UBL3: variants seen among roughly 807,000 people sequenced by gnomAD.
UBL3 encodes ubiquitin-like protein 3.
A neutral mutation model predicts 18.4 loss-of-function variants in UBL3; 6 were observed. The ratio of observed to expected loss-of-function variants is 0.33; its 90% CI spans 0.18 to 0.64. The LOEUF (loss-of-function observed/expected upper bound fraction) is 0.64. UBL3 is among the 30% of genes least tolerant of loss of function. The pLI, the probability that UBL3 is intolerant of heterozygous loss-of-function variation, is 0.76. For missense variants in UBL3, 109 were observed against 142.9 expected, an observed-to-expected ratio of 0.76 and a Z score of 1.21; for synonymous variants, 49 against 46.6, an observed-to-expected ratio of 1.05 and a Z score of -0.21.
At chr13:29,836,402 A>G (rs1878964752) in intron 1 of UBL3, among the ~76,000 whole-genome samples, 1 of 152,106 alleles carries the variant, frequency 6.6e-6, no homozygotes, top group South Asian at 2.1e-4. Flanking sequence ...GGGTACGAAA[A>G]GAAAAGGCAA....
chr13:29,803,073 T>C (rs537102786), intron 1 of UBL3, among the ~76,000 whole-genome samples: 84 of 152,258 alleles, frequency 5.5e-4, no homozygotes, highest in African/African-American at 2.0e-3. Context: ...AGGTCACTTA[T>C]ACAAATCATT....
intron 1 of UBL3, among the ~76,000 whole-genome samples, chr13:29,808,941 G>A (rs1418978548): frequency 6.6e-6 from 1 of 152,048 alleles, no homozygotes; most frequent in East Asian, 1.9e-4. Context: ...ATTAACTAAA[G>A]ACTATTTATA....
At chr13:29,849,411 G>C in intron 1 of UBL3, 101 bp downstream of exon 1, 1 of 1,544,356 alleles carries the variant, frequency 6.5e-7, no homozygotes, top group South Asian at 1.1e-5. Context: ...GTGGCTTTTC[G>C]ACAGTCCCCA....
At chr13:29,776,610 C>G (rs910207767) in intron 2 of UBL3, among the ~76,000 whole-genome samples, 18 of 151,886 alleles carry the variant, frequency 1.2e-4, no homozygotes, top group Non-Finnish European at 8.8e-5. Flanking sequence ...CGGTGGCTCA[C>G]GCCTGTAATC....
rs142110289 is a variant in UBL3 at position 29,764,988 on chromosome 13, CTTT to C, written c.*2264_*2266del. The C allele has an allele frequency of 6.6e-6, 1 of 151,850 alleles. No homozygotes were observed. The highest frequency in any genetic ancestry group is 2.4e-5 in the African/African-American group (1 of 41,358). 9.4% of individuals were successfully genotyped at this position (151,850 alleles called of 1,614,324 possible). A position where few individuals can be genotyped will look rare whatever the true frequency, so the allele number is the denominator to read the frequency against. On this transcript the variant is annotated 3_prime_UTR_variant, in exon 5 of 5. Transcript: ENST00000380680. ...TATAATTTTACTGCTACTTTTTATT[CTTT>C]TTTTTCATATTGTACAACTATGATA...
intron 1 of UBL3, among the ~76,000 whole-genome samples, chr13:29,806,469 TA>T (rs1339176185): frequency 6.6e-6 from 1 of 152,164 alleles, no homozygotes; most frequent in Non-Finnish European, 1.5e-5. Context: ...TATGCTCCCC[TA>T]AGAAGGATCT....
intron 1 of UBL3, among the ~76,000 whole-genome samples, chr13:29,835,121 TA>T: frequency 4.2e-5 from 1 of 23,666 alleles, no homozygotes; most frequent in African/African-American, 4.7e-4. Flanking sequence ...TATATATATA[TA>T]TAAATATATA....
intron 1 of UBL3, among the ~76,000 whole-genome samples, chr13:29,847,382 G>T (rs999750745): frequency 1.3e-5 from 2 of 152,108 alleles, no homozygotes; most frequent in Non-Finnish European, 2.9e-5. Context: ...TTTAATCAAA[G>T]GATCTCAAAG....
intron 1 of UBL3, among the ~76,000 whole-genome samples, chr13:29,801,464 GCTT>G (rs1228272266): frequency 2.0e-5 from 3 of 152,168 alleles, no homozygotes; most frequent in Non-Finnish European, 4.4e-5. Flanking sequence ...GAGGAGCTCA[GCTT>G]CTTCTCATTA....
intron 1 of UBL3, among the ~76,000 whole-genome samples, chr13:29,807,986 A>C (rs1020602513): frequency 1.1e-4 from 16 of 152,176 alleles, no homozygotes; most frequent in African/African-American, 3.6e-4. Context: ...GTAGTGGGTA[A>C]AAACCACAAT....
At chr13:29,844,873 C>G (rs1222209660) in intron 1 of UBL3, among the ~76,000 whole-genome samples, 1 of 151,964 alleles carries the variant, frequency 6.6e-6, no homozygotes, top group Non-Finnish European at 1.5e-5. Context: ...TTTTCATATT[C>G]CAAGTGATAA....
chr13:29,844,813 T>G (rs1383145991), intron 1 of UBL3, among the ~76,000 whole-genome samples: 1 of 152,184 alleles, frequency 6.6e-6, no homozygotes, highest in African/African-American at 2.4e-5. Flanking sequence ...CATCAGTATT[T>G]TATCCACTAA....
intron 1 of UBL3, among the ~76,000 whole-genome samples, chr13:29,847,722 A>G (rs1182402763): frequency 6.6e-6 from 1 of 152,166 alleles, no homozygotes; most frequent in African/African-American, 2.4e-5. Flanking sequence ...TATAAAATGG[A>G]GGCTTTCGAG....
intron 1 of UBL3, chr13:29,779,358 C>A: frequency 3.1e-6 from 1 of 326,280 alleles, no homozygotes; most frequent in Non-Finnish European, 5.9e-6. Context: ...AGAAATTCTG[C>A]CCCTAGTAGT....
At chr13:29,814,141 A>G (rs1338723184) in intron 1 of UBL3, among the ~76,000 whole-genome samples, 2 of 152,082 alleles carry the variant, frequency 1.3e-5, no homozygotes, top group African/African-American at 4.8e-5. Context: ...TTTTTTAAAG[A>G]GTATCTAATG....
chr13:29,817,480 C>T (rs1878315142), intron 1 of UBL3, among the ~76,000 whole-genome samples: 1 of 151,964 alleles, frequency 6.6e-6, no homozygotes, highest in African/African-American at 2.4e-5. Flanking sequence ...GATGATAAAG[C>T]CGGCTGAGGT....
chr13:29,798,991 C>G (rs1877687383), intron 1 of UBL3, among the ~76,000 whole-genome samples: 1 of 152,114 alleles, frequency 6.6e-6, no homozygotes, highest in South Asian at 2.1e-4. Flanking sequence ...AAATATCTTG[C>G]CAAAGGTAAG....
chr13:29,814,510 G>C (rs942268179), intron 1 of UBL3, among the ~76,000 whole-genome samples: 13 of 151,932 alleles, frequency 8.6e-5, no homozygotes, highest in Non-Finnish European at 1.6e-4. Context: ...TTTTGTACAT[G>C]AGTAAAGAGA....
At chr13:29,787,608 T>C (rs1877357595) in intron 1 of UBL3, among the ~76,000 whole-genome samples, 1 of 152,218 alleles carries the variant, frequency 6.6e-6, no homozygotes, top group African/African-American at 2.4e-5. Flanking sequence ...GCATCTAGGA[T>C]ACAAGGTAAC....
Sources: gnomAD v4.1 joint callset for allele counts (sites outside exome capture counted in the v4.1 genomes callset) on GRCh38, gnomAD v4.1.1 for gene constraint, MANE v1.5 for transcripts, NCBI Gene and HGNC (gene_info 2026-07-23, HGNC 2026-07-21) for gene names.